The following ZNF484 variants were observed in gnomAD, a reference collection of about 807,000 sequenced individuals.
ZNF484 encodes the protein zinc finger protein 484, also known as KRAB box containing C2H2 type zinc finger bA526D8.4.
Under a neutral mutation model 12.9 loss-of-function variants are expected in ZNF484, and 11 were observed. That is an observed-to-expected ratio of 0.85 (90% CI 0.54 to 1.41). ZNF484 has a LOEUF of 1.41. Among genes scored for constraint, ZNF484 ranks in the 40% most tolerant of loss-of-function variants. The probability of loss-of-function intolerance (pLI) is 0.00; values close to 1 mark genes in which losing one functional copy is unlikely to be tolerated. For synonymous variants in ZNF484, 289 were observed against 334.1 expected, an observed-to-expected ratio of 0.86 and a Z score of 1.47; for missense variants, 807 against 1,007.7, an observed-to-expected ratio of 0.80 and a Z score of 2.70.
At position 92,872,490 on chromosome 9, in the gene ZNF484, CAAAAAA is replaced by C. The variant is rs537371475; in HGVS notation, c.15+2519_15+2524del. 4.2e-4 allele frequency among the ~76,000 whole-genome samples: 20 copies of C among 47,474 alleles called. 1 individual carries two copies. The East Asian group carries it at 5.3e-3, about 13-fold the overall frequency. The allele number at this position is 47,474 out of a possible 152,430, so 31.1% of individuals were successfully genotyped here. ...GGGCAACAAGAGCAAATCTCTGCCT[CAAAAAA>C]AAAAAAAAAAAAAAAAGTTAAAGGA... On this transcript the variant is annotated intron_variant, in intron 2 of 4. Transcript: ENST00000375495.
chr9:92,847,626 A>C lies in ZNF484; in HGVS notation c.1161T>G (p.Thr387=), dbSNP rs1298371226. The C allele has an allele frequency of 2.5e-6, 4 of 1,613,976 alleles. No homozygotes were observed. The African/African-American group carries it at 5.3e-5, about 22-fold the overall frequency. Residue 387 remains threonine (T), a synonymous_variant, in exon 5 of 5, where the codon ACT becomes ACG. Transcript: ENST00000375495. The stretch of plus-strand genomic sequence containing the variant: ...TCCTTGTGAAAGCTTTTCCACATTC[A>C]GTACATTCAAAGTGTTTCCCTCCAG... The part of the protein sequence containing the change: ...IHTGGKHFEC[T]ECGKAFTRKS...
At chr9:92,858,069 A>C (rs1856569428) in intron 2 of ZNF484, among the ~76,000 whole-genome samples, 1 of 152,234 alleles carries the variant, frequency 6.6e-6, no homozygotes, top group Non-Finnish European at 1.5e-5. Context: ...AACAAACAAA[A>C]AAATCCTACA....
chr9:92,856,744 C>G (rs540347969), intron 2 of ZNF484, among the ~76,000 whole-genome samples: 133 of 151,902 alleles, frequency 8.8e-4, no homozygotes, highest in African/African-American at 3.1e-3. Flanking sequence ...TTTTTTGAGA[C>G]AGAGTCTCGC....
At chr9:92,855,925 G>C (rs761953862) in intron 3 of ZNF484, 22 bp from the exon 4 acceptor site, 3 of 1,611,402 alleles carry the variant, frequency 1.9e-6, no homozygotes, top group South Asian at 2.2e-5. Context: ...GGATGATAGA[G>C]GACTTGATTT....
At chr9:92,862,064 A>G (rs1397739039) in intron 2 of ZNF484, 1 of 660,922 alleles carries the variant, frequency 1.5e-6, no homozygotes, top group East Asian at 1.4e-4. Context: ...AAGAGCTGTC[A>G]ATATTGAATT....
At chr9:92,868,114 T>C (rs1469183780) in intron 2 of ZNF484, among the ~76,000 whole-genome samples, 1 of 152,196 alleles carries the variant, frequency 6.6e-6, no homozygotes, top group Non-Finnish European at 1.5e-5. Flanking sequence ...ATGTCCAAAA[T>C]AGGTCCTGCT....
At chr9:92,852,724 A>G (rs980992895) in intron 4 of ZNF484, among the ~76,000 whole-genome samples, 2 of 151,210 alleles carry the variant, frequency 1.3e-5, no homozygotes, top group Non-Finnish European at 2.9e-5. Context: ...TTTAGTAGAG[A>G]TGGGGTTTCG....
intron 2 of ZNF484, among the ~76,000 whole-genome samples, chr9:92,864,857 T>G (rs976666196): frequency 6.6e-6 from 1 of 152,070 alleles, no homozygotes; most frequent in African/African-American, 2.4e-5. Flanking sequence ...CAACAAAAAT[T>G]TGGCACATAT....
intron 4 of ZNF484, among the ~76,000 whole-genome samples, chr9:92,851,827 T>C (rs148062836): frequency 2.0e-4 from 30 of 152,338 alleles, no homozygotes; most frequent in African/African-American, 6.7e-4. Flanking sequence ...TAAAAGCTAA[T>C]TTCAAATTTC....
rs1476926014 is a variant in ZNF484, at chr9:92,848,999, C to T, written c.236-448G>A. On this transcript the variant is annotated intron_variant, in intron 4 of 4. Transcript: ENST00000375495. This position sits in a 1 kb window ranked among gnomAD's most constrained non-coding sequence, Gnocchi z 4.1. ...GATTCAGGCCGGGTGTGGTGGCTCACGCCTGTAAGCCCAGCACTTTGGGAG... is the reference window on the plus strand; with the variant it reads ...GATTCAGGCCGGGTGTGGTGGCTCATGCCTGTAAGCCCAGCACTTTGGGAG... 3.3e-5 allele frequency among the ~76,000 whole-genome samples: 5 copies of T among 150,072 alleles called. No homozygotes were observed. Among genetic ancestry groups the T allele is most frequent in the African/African-American group, 9.8e-5 (4 of 40,882 alleles).
intron 2 of ZNF484, among the ~76,000 whole-genome samples, chr9:92,872,659 T>C (rs761988093): frequency 2.0e-5 from 3 of 151,924 alleles, no homozygotes; most frequent in Non-Finnish European, 4.4e-5. Flanking sequence ...AGAAAAGTCA[T>C]AGAAAATAGA....
rs1857940321 is a variant in ZNF484, at chr9:92,877,946, T to C, written c.-87A>G. ...GGTCATTTGCCTCGGGAGGTGACTA[T>C]AGTCGCAAGAACCAGAACAGGACCC... On this transcript the variant is annotated 5_prime_UTR_variant, in exon 1 of 5. Coordinates refer to ENST00000375495, the MANE Select transcript of ZNF484 (RefSeq NM_031486.4). 6 of 1,430,812 alleles carry C rather than the reference T, an allele frequency of 4.2e-6. No homozygotes were observed. Among genetic ancestry groups the C allele is most frequent in the East Asian group, 2.5e-5 (1 of 40,228 alleles). The allele number at this position is 1,430,812 out of a possible 1,614,324, so 88.6% of individuals were successfully genotyped here.
chr9:92,862,187 G>A, intron 2 of ZNF484: 1 of 943,240 alleles, frequency 1.1e-6, no homozygotes, highest in Non-Finnish European at 1.3e-6. Context: ...AATAAAAAAA[G>A]AATTAACTGC....
At position 92,847,082 on chromosome 9, in the gene ZNF484, T is replaced by C; in HGVS notation, c.1705A>G (p.Met569Val). 6.2e-7 allele frequency: 1 copy of C among 1,614,130 alleles called. No homozygotes were observed. Among genetic ancestry groups the C allele is most frequent in the Non-Finnish European group, 8.5e-7 (1 of 1,180,020 alleles). The change falls in exon 5 of 5, where the codon ATG (methionine) becomes GTG (valine). Residue 569 changes from methionine (M) to valine (V), a missense_variant. Met to Val is a conservative substitution (Grantham distance 21, BLOSUM62 1). Transcript: ENST00000375495. ...KAFIQKSTLS[M>V]HQRIHRGEKP... ...TCCCCTCTATGAATTCTCTGGTGCA[T>C]ACTTAATGTTGACTTCTGAATGAAT...
Position 92,847,631 on chromosome 9 carries a change from A to G in ZNF484, c.1156T>C (p.Cys386Arg), listed in dbSNP as rs778748146. The G allele has an allele frequency of 5.6e-6, 9 of 1,613,970 alleles. No individual in the cohort carries two copies. The South Asian group carries it at 8.8e-5, about 16-fold the overall frequency. Reference protein sequence around the residue: ...KIHTGGKHFECTECGKAFTRK... With the variant: ...KIHTGGKHFERTECGKAFTRK... ...GTGAAAGCTTTTCCACATTCAGTACATTCAAAGTGTTTCCCTCCAGTATGA... is the reference window on the plus strand; with the variant it reads ...GTGAAAGCTTTTCCACATTCAGTACGTTCAAAGTGTTTCCCTCCAGTATGA... Residue 386 changes from cysteine (C) to arginine (R), a missense_variant, in exon 5 of 5, where the codon TGT becomes CGT. Physicochemically the swap from Cys to Arg is radical, Grantham distance 180. Transcript: ENST00000375495.
chr9:92,873,872 G>A (rs982763950), intron 2 of ZNF484, among the ~76,000 whole-genome samples: 6 of 151,752 alleles, frequency 4.0e-5, no homozygotes, highest in Non-Finnish European at 7.4e-5. Context: ...AAAAAAAAGC[G>A]ATATCCTTCA....
In ZNF484 at chr9:92,846,975, TC is replaced by T; in HGVS notation, c.1811del (p.Gly604GlufsTer104). The T allele has an allele frequency of 6.2e-7, 1 of 1,614,162 alleles. No individual in the cohort carries two copies. The highest frequency in any genetic ancestry group is 8.5e-7 in the Non-Finnish European group (1 of 1,180,024). On this transcript the variant is annotated frameshift_variant, in exon 5 of 5. Transcript: ENST00000375495. LOFTEE classifies it low-confidence loss of function (END_TRUNC). ...AAATACTGCATTCATAGGGTTTCTCTCCAGTATGAATTCTCTCATGTGTAAT... is the reference window on the plus strand; with the variant it reads ...AAATACTGCATTCATAGGGTTTCTCTCAGTATGAATTCTCTCATGTGTAAT... ...HFITHERIHT[G>X]EKPYECSICG...
At chr9:92,870,651 C>G (rs1391486618) in intron 2 of ZNF484, among the ~76,000 whole-genome samples, 3 of 152,236 alleles carry the variant, frequency 2.0e-5, no homozygotes, top group Admixed American at 2.0e-4. Flanking sequence ...CTCTTCCCAT[C>G]ACGACAGGTG....
chr9:92,865,419 C>T (rs1305469155), intron 2 of ZNF484, among the ~76,000 whole-genome samples: 4 of 152,190 alleles, frequency 2.6e-5, no homozygotes, highest in Non-Finnish European at 5.9e-5. Flanking sequence ...TGTTCAATCA[C>T]ATTAGTAACC....
Sources: allele counts gnomAD v4.1 joint callset (sites outside exome capture counted in the v4.1 genomes callset), GRCh38; gene constraint gnomAD v4.1.1; non-coding constraint Gnocchi (gnomAD v3.1); transcripts MANE v1.5; gene names NCBI Gene and HGNC (gene_info 2026-07-23, HGNC 2026-07-21).